RPH3A: variants seen among roughly 807,000 people sequenced by gnomAD.
The protein encoded by RPH3A is rabphilin 3A.
A neutral mutation model predicts 102.2 loss-of-function variants in RPH3A; 48 were observed. That is an observed-to-expected ratio of 0.47 (90% CI 0.37 to 0.60). The LOEUF (loss-of-function observed/expected upper bound fraction) is 0.60. Ranked by LOEUF, RPH3A falls within the 20% of genes least tolerant of loss-of-function variation. The probability of loss-of-function intolerance (pLI) is 0.00; values close to 1 mark genes in which losing one functional copy is unlikely to be tolerated. For synonymous variants in RPH3A, 310 were observed against 324.3 expected, an observed-to-expected ratio of 0.96 and a Z score of 0.47; for missense variants, 781 against 910.1, an observed-to-expected ratio of 0.86 and a Z score of 1.83.
At chr12:112,868,338 G>T (rs1219247658) in intron 7 of RPH3A, 92 bp from the exon 8 acceptor site, 44 of 1,300,916 alleles carry the variant, frequency 3.4e-5, no homozygotes, top group Non-Finnish European at 4.4e-5. Context: ...GTGTGCTTTG[G>T]ATGAGGAGGA....
chr12:112,712,543 T>G lies in RPH3A; in HGVS notation c.-139-79600T>G, dbSNP rs114260544. On this transcript the variant is annotated intron_variant, in intron 1 of 21. Coordinates refer to the RPH3A transcript ENST00000543106. ...ACACCCATGTACTCACCATCCAGTT[T>G]AAGAACTAAGATGCTACTGAAGCAA... Among the ~76,000 whole-genome samples, 178 of 152,242 alleles carry G rather than the reference T, an allele frequency of 1.2e-3. 2 individuals are homozygous for G. Among genetic ancestry groups the G allele is most frequent in the African/African-American group, 3.9e-3 (161 of 41,534 alleles).
chr12:112,583,948 T>G (rs1042010164), intron 1 of RPH3A, among the ~76,000 whole-genome samples: 2 of 152,158 alleles, frequency 1.3e-5, no homozygotes, highest in South Asian at 4.1e-4. Flanking sequence ...ATTGTGCCAT[T>G]GCACTCCAGC....
chr12:112,722,959 A>G (rs539262235), intron 1 of RPH3A, among the ~76,000 whole-genome samples: 6 of 152,218 alleles, frequency 3.9e-5, no homozygotes, highest in East Asian at 1.9e-4. Flanking sequence ...ACCTTAACTG[A>G]TATCAGTGTC....
rs572860387 is a variant in RPH3A, at chr12:112,837,933, A to G, written c.83+1431A>G. On this transcript the variant is annotated intron_variant, in intron 4 of 21. Coordinates refer to ENST00000389385, the MANE Select transcript of RPH3A (RefSeq NM_001143854.2). Reference sequence around the variant, plus strand: ...TTCCTCCCTCCCTTCCTCTATTAATAAACACTTACCCCAAGTACCTACTAA... The same window carrying G: ...TTCCTCCCTCCCTTCCTCTATTAATGAACACTTACCCCAAGTACCTACTAA... The G allele has an allele frequency of 1.7e-5, 7 of 423,430 alleles. No individual in the cohort carries two copies. In the East Asian group the frequency reaches 4.9e-4, roughly 30 times the overall value. The allele number at this position is 423,430 out of a possible 1,614,324, so 26.2% of individuals were successfully genotyped here. A position where few individuals can be genotyped will look rare whatever the true frequency, so the allele number is the denominator to read the frequency against.
chr12:112,853,556 T>C (rs1427052229), intron 5 of RPH3A, among the ~76,000 whole-genome samples: 1 of 152,140 alleles, frequency 6.6e-6, no homozygotes, highest in Non-Finnish European at 1.5e-5. Context: ...TGGTTGGGCA[T>C]AGTGGCTCAT....
intron 1 of RPH3A, among the ~76,000 whole-genome samples, chr12:112,639,773 A>C (rs2135990731): frequency 6.6e-6 from 1 of 152,290 alleles, no homozygotes; most frequent in East Asian, 1.9e-4. Context: ...TACACATCAG[A>C]CTGACACCTT....
At chr12:112,643,998 T>G (rs1204623650) in intron 1 of RPH3A, among the ~76,000 whole-genome samples, 2 of 152,172 alleles carry the variant, frequency 1.3e-5, no homozygotes, top group Admixed American at 6.5e-5. Flanking sequence ...TCTGCAGCAA[T>G]GTGGATGGAA....
chr12:112,894,747 G>A, intron 20 of RPH3A, 88 bp downstream of exon 20: 1 of 1,023,610 alleles, frequency 9.8e-7, no homozygotes, highest in East Asian at 2.5e-5. Context: ...TAAATATGTG[G>A]CCACATAGCC....
intron 1 of RPH3A, among the ~76,000 whole-genome samples, chr12:112,629,465 A>ATTTT (rs11294395): frequency 1.2e-5 from 1 of 84,024 alleles, no homozygotes; most frequent in Non-Finnish European, 2.2e-5. Flanking sequence ...TGCACTTTGC[A>ATTTT]TTTTTTTTTT....
At chr12:112,813,331 G>A (rs1363764903) in intron 2 of RPH3A, 1 of 152,226 alleles carries the variant, frequency 6.6e-6, no homozygotes, top group Non-Finnish European at 1.5e-5. Flanking sequence ...GGGGCAAGAA[G>A]AGGAGAAGAG....
intron 5 of RPH3A, among the ~76,000 whole-genome samples, chr12:112,856,484 A>ATGTGTG (rs3837520): frequency 6.7e-6 from 1 of 149,366 alleles, no homozygotes; most frequent in Non-Finnish European, 1.5e-5. Flanking sequence ...ACACATGTGC[A>ATGTGTG]TGTGTGTGTG....
intron 7 of RPH3A, 149 bp from the exon 8 acceptor site, chr12:112,868,281 G>T: frequency 1.3e-6 from 1 of 755,574 alleles, no homozygotes; most frequent in Non-Finnish European, 2.1e-6. Flanking sequence ...AATATGAATT[G>T]TGCAGGGCTC....
intron 5 of RPH3A, among the ~76,000 whole-genome samples, chr12:112,861,399 A>G (rs957950968): frequency 6.6e-6 from 1 of 152,180 alleles, no homozygotes; most frequent in African/African-American, 2.4e-5. Context: ...GGGTAACTGC[A>G]TATGTGCAGC....
In RPH3A at chr12:112,836,520, C is replaced by T. The variant is rs763250924; in HGVS notation, c.83+18C>T. 1.6e-6 allele frequency: 2 copies of T among 1,253,174 alleles called. No homozygotes were observed. Among genetic ancestry groups the T allele is most frequent in the South Asian group, 1.4e-5 (1 of 69,590 alleles). 77.6% of individuals were successfully genotyped at this position (1,253,174 alleles called of 1,614,324 possible). On this transcript the variant is annotated intron_variant, in intron 4 of 21. Coordinates refer to ENST00000389385, the MANE Select transcript of RPH3A (RefSeq NM_001143854.2). ...AAAGAACAGTGAGTATTTTATAACACTTATTTATTTATTTTTTACAAACTG... is the reference window on the plus strand; with the variant it reads ...AAAGAACAGTGAGTATTTTATAACATTTATTTATTTATTTTTTACAAACTG...
Position 112,875,166 on chromosome 12 carries a change from G to T in RPH3A, c.879G>T (p.Gln293His), listed in dbSNP as rs2189473. 16,030 of 1,598,496 alleles carry T rather than the reference G, an allele frequency of 0.01. 624 individuals are homozygous for T. The African/African-American group carries it at 0.11, about 11-fold the overall frequency. The change falls in exon 11 of 22, where the codon CAG (glutamine) becomes CAT (histidine). Residue 293 changes from glutamine (Q) to histidine (H), a missense_variant. Physicochemically the swap from Gln to His is conservative, Grantham distance 24. Transcript: ENST00000389385. The stretch of plus-strand genomic sequence containing the variant: ...GCCCAGCGCCACCTCAGCCTGGGCA[G>T]CCAGGTACCTGCCACTCACCTGCTA... ...VQSPAPPQPGQPGTPGGSRPG... is the reference protein window; with the variant it reads ...VQSPAPPQPGHPGTPGGSRPG...
At chr12:112,627,783 C>G (rs1434882986) in intron 1 of RPH3A, among the ~76,000 whole-genome samples, 1 of 152,088 alleles carries the variant, frequency 6.6e-6, no homozygotes, top group African/African-American at 2.4e-5. Flanking sequence ...CCTTCCCTAA[C>G]AAGGCATATT....
intron 1 of RPH3A, among the ~76,000 whole-genome samples, chr12:112,765,021 G>C (rs946639497): frequency 5.3e-5 from 8 of 152,072 alleles, no homozygotes; most frequent in Admixed American, 5.2e-4. Flanking sequence ...AGCCATAAAG[G>C]GACTTTGTTT....
At chr12:112,791,032 A>T (rs1487688099), upstream of RPH3A, 2 of 152,230 alleles carry the variant, frequency 1.3e-5, no homozygotes, top group Non-Finnish European at 2.9e-5. Context: ...ACTTGGAAAC[A>T]TTAAATGACT....
intron 2 of RPH3A, among the ~76,000 whole-genome samples, chr12:112,816,573 G>A (rs998319599): frequency 1.3e-5 from 2 of 152,152 alleles, no homozygotes; most frequent in African/African-American, 4.8e-5. Context: ...TTCTTTGGTC[G>A]AAACAGGTCA....
Sources: gnomAD v4.1 joint callset for allele counts (sites outside exome capture counted in the v4.1 genomes callset) on GRCh38, gnomAD v4.1.1 for gene constraint, MANE v1.5 for transcripts, NCBI Gene and HGNC (gene_info 2026-07-23, HGNC 2026-07-21) for gene names.